The following KCTD8 variants were observed in gnomAD, a reference collection of about 807,000 sequenced individuals.
KCTD8 encodes BTB/POZ domain-containing protein KCTD8.
A neutral mutation model predicts 31.5 loss-of-function variants in KCTD8; 27 were observed. The observed-to-expected ratio is 0.86, with a 90% CI of 0.63 to 1.18. The LOEUF is 1.18. Among genes scored for constraint, KCTD8 ranks in the 50% most tolerant of loss-of-function variants. KCTD8 has a pLI of 0.00. For synonymous variants in KCTD8, 290 were observed against 280.0 expected, an observed-to-expected ratio of 1.04 and a Z score of -0.36; for missense variants, 658 against 647.7, an observed-to-expected ratio of 1.02 and a Z score of -0.17.
At chr4:44,307,809 G>A (rs888520401) in intron 1 of KCTD8, among the ~76,000 whole-genome samples, 20 of 151,834 alleles carry the variant, frequency 1.3e-4, no homozygotes, top group Admixed American at 1.1e-3. Context: ...CTCTTTTTCC[G>A]CAAAATGCAT....
intron 1 of KCTD8, among the ~76,000 whole-genome samples, chr4:44,227,806 C>T (rs999693770): frequency 6.6e-6 from 1 of 152,110 alleles, no homozygotes; most frequent in Non-Finnish European, 1.5e-5. Context: ...AGTACTGTCA[C>T]TTTTATTCTT....
chr4:44,389,152 GGTAAGGAT>G (rs772237044), intron 1 of KCTD8, among the ~76,000 whole-genome samples: 147 of 151,630 alleles, frequency 9.7e-4, no homozygotes, highest in Admixed American at 2.3e-3. Flanking sequence ...GTTGTAAGGA[GGTAAGGAT>G]GGTTAATGGG....
chr4:44,423,571 C>T (rs1399398103), intron 1 of KCTD8, among the ~76,000 whole-genome samples: 2 of 151,908 alleles, frequency 1.3e-5, no homozygotes, highest in African/African-American at 4.8e-5. Context: ...TTGACAATGG[C>T]CCACAAGAGA....
At chr4:44,321,299 T>C (rs1482471972) in intron 1 of KCTD8, among the ~76,000 whole-genome samples, 1 of 152,216 alleles carries the variant, frequency 6.6e-6, no homozygotes, top group Non-Finnish European at 1.5e-5. Flanking sequence ...GCACTTGATA[T>C]CATTTGTTGA....
chr4:44,338,319 T>TATTTGTAA (rs1163322564), intron 1 of KCTD8, among the ~76,000 whole-genome samples: 24 of 152,264 alleles, frequency 1.6e-4, no homozygotes, highest in African/African-American at 4.8e-4. Flanking sequence ...TTTTGTAAAA[T>TATTTGTAA]CCATAATCCA....
In KCTD8 at chr4:44,388,210, A is replaced by G. The variant is rs113880176; in HGVS notation, c.961+59353T>C. On this transcript the variant is annotated intron_variant, in intron 1 of 1. Coordinates refer to ENST00000360029, the MANE Select transcript of KCTD8 (RefSeq NM_198353.3). ...CTATTAAAAAGTCAAAAAATAATAG[A>G]TGCTAGTGAGACTGTGGAGGAAAAG... Among the ~76,000 whole-genome samples the G allele has an allele frequency of 4.3e-3, 658 of 151,948 alleles. 4 individuals carry two copies. Among genetic ancestry groups the G allele is most frequent in the African/African-American group, 0.015 (628 of 41,536 alleles).
At chr4:44,204,744 A>T (rs1478424683) in intron 1 of KCTD8, among the ~76,000 whole-genome samples, 1 of 151,844 alleles carries the variant, frequency 6.6e-6, no homozygotes, top group Non-Finnish European at 1.5e-5. Context: ...TGTTATTTCC[A>T]CTCCTCAATA....
At chr4:44,437,060 T>TG (rs1008211125) in intron 1 of KCTD8, among the ~76,000 whole-genome samples, 1 of 149,408 alleles carries the variant, frequency 6.7e-6, no homozygotes, top group Non-Finnish European at 1.5e-5. Context: ...TTTTGAAAGT[T>TG]TTTTTTTTTT....
At chr4:44,425,875 T>C (rs945195990) in intron 1 of KCTD8, among the ~76,000 whole-genome samples, 3 of 151,942 alleles carry the variant, frequency 2.0e-5, no homozygotes, top group Non-Finnish European at 4.4e-5. Context: ...GGGACCCAGC[T>C]AGTGCATCTC....
intron 1 of KCTD8, among the ~76,000 whole-genome samples, chr4:44,446,632 A>G (rs1406586511): frequency 2.0e-5 from 3 of 151,998 alleles, no homozygotes; most frequent in Admixed American, 6.5e-5. Flanking sequence ...TGCAAAACGC[A>G]CCCCAGATGC....
chr4:44,250,341 A>C (rs1347814141), intron 1 of KCTD8, among the ~76,000 whole-genome samples: 2 of 151,920 alleles, frequency 1.3e-5, no homozygotes, highest in East Asian at 3.9e-4. Context: ...AGTCTAATGA[A>C]ATCCCATTGT....
intron 1 of KCTD8, among the ~76,000 whole-genome samples, chr4:44,335,049 CAA>C (rs1190732850): frequency 6.6e-6 from 1 of 151,986 alleles, no homozygotes; most frequent in Non-Finnish European, 1.5e-5. Context: ...GACAATTAAT[CAA>C]GATTTGATTC....
intron 1 of KCTD8, among the ~76,000 whole-genome samples, chr4:44,238,312 T>G (rs1050735056): frequency 6.6e-6 from 1 of 152,136 alleles, no homozygotes; most frequent in Non-Finnish European, 1.5e-5. Context: ...TATTTTCTCA[T>G]GGTTCCATCT....
intron 1 of KCTD8, among the ~76,000 whole-genome samples, chr4:44,410,145 G>T (rs369623820): frequency 1.3e-5 from 2 of 152,050 alleles, no homozygotes. Flanking sequence ...TAGGTTTCCT[G>T]ACATAAGGCT....
rs553072141 is a variant in KCTD8, at chr4:44,441,354, T to G, written c.961+6209A>C. ...AATGGACTCAAATGCTTTATTTTCT[T>G]TAACTATAAAAATATTCATGAATAC... On this transcript the variant is annotated intron_variant, in intron 1 of 1. Transcript: ENST00000360029. Among the ~76,000 whole-genome samples, 4 of 152,304 alleles carry G rather than the reference T, an allele frequency of 2.6e-5. No individual in the cohort carries two copies. The South Asian group carries it at 8.3e-4, about 32-fold the overall frequency.
intron 1 of KCTD8, among the ~76,000 whole-genome samples, chr4:44,270,345 A>AAC (rs992784406): frequency 1.1e-4 from 15 of 139,494 alleles, no homozygotes; most frequent in Non-Finnish European, 2.1e-4. Context: ...GAACAATGAG[A>AAC]ACACATGGAC....
chr4:44,311,750 A>G (rs1717957608), intron 1 of KCTD8, among the ~76,000 whole-genome samples: 1 of 151,836 alleles, frequency 6.6e-6, no homozygotes, highest in Non-Finnish European at 1.5e-5. Context: ...ATGCCAAATT[A>G]ATTTATTTGT....
intron 1 of KCTD8, among the ~76,000 whole-genome samples, chr4:44,365,277 C>T (rs111545189): frequency 1.3e-5 from 2 of 151,944 alleles, no homozygotes; most frequent in Non-Finnish European, 2.9e-5. Flanking sequence ...AAATTGTGAA[C>T]GGTTTTATCT....
At chr4:44,201,368 G>T (rs1714144164) in intron 1 of KCTD8, among the ~76,000 whole-genome samples, 1 of 151,896 alleles carries the variant, frequency 6.6e-6, no homozygotes, top group African/African-American at 2.4e-5. Context: ...AAAGCAAAAA[G>T]AACAAAGATG....
Sources: allele counts gnomAD v4.1 joint callset (sites outside exome capture counted in the v4.1 genomes callset), GRCh38; gene constraint gnomAD v4.1.1; transcripts MANE v1.5; gene names NCBI Gene and HGNC (gene_info 2026-07-23, HGNC 2026-07-21).